Variants in TMEM74 observed in about 807,000 individuals in gnomAD.
TMEM74 encodes the protein transmembrane protein 74.
TMEM74 carries 13 observed loss-of-function variants against 18.1 expected under a neutral mutation model. That is an observed-to-expected ratio of 0.72 (90% CI 0.47 to 1.14). The LOEUF (loss-of-function observed/expected upper bound fraction) is 1.14. TMEM74 is among the 50% of genes most tolerant of loss of function. TMEM74 has a pLI of 0.00. For missense variants in TMEM74, 372 were observed against 375.9 expected, an observed-to-expected ratio of 0.99 and a Z score of 0.09; for synonymous variants, 159 against 146.6, an observed-to-expected ratio of 1.08 and a Z score of -0.61.
chr8:108,756,811 A>G (rs1186107042), intron 1 of TMEM74, among the ~76,000 whole-genome samples: 3 of 150,386 alleles, frequency 2.0e-5, no homozygotes, highest in Non-Finnish European at 4.4e-5. Flanking sequence ...GAAGGAAGGA[A>G]GGAAGGAAGG....
chr8:108,657,683 A>C (rs942517154), intron 1 of TMEM74, among the ~76,000 whole-genome samples: 1 of 150,696 alleles, frequency 6.6e-6, no homozygotes, highest in African/African-American at 2.4e-5. Flanking sequence ...TCTGTACTAA[A>C]AATACAAAAA....
intron 2 of TMEM74, chr8:108,652,561 G>T: frequency 1.7e-6 from 1 of 575,494 alleles, no homozygotes; most frequent in Non-Finnish European, 3.3e-6. Context: ...TTGGTTTTCT[G>T]GGTATCATAA....
chr8:108,631,765 T>C (rs1004843782), intron 2 of TMEM74, among the ~76,000 whole-genome samples: 1 of 152,000 alleles, frequency 6.6e-6, no homozygotes, highest in Non-Finnish European at 1.5e-5. Context: ...CTGGTGCCCC[T>C]TCTTTTCCTT....
intron 2 of TMEM74, among the ~76,000 whole-genome samples, chr8:108,615,463 C>G (rs756713802): frequency 1.3e-5 from 2 of 152,152 alleles, no homozygotes; most frequent in African/African-American, 2.4e-5. Flanking sequence ...TTAACAGGCC[C>G]TTACTTTTCA....
At chr8:108,630,908 C>A (rs1346712725) in intron 2 of TMEM74, among the ~76,000 whole-genome samples, 1 of 151,922 alleles carries the variant, frequency 6.6e-6, no homozygotes, top group East Asian at 1.9e-4. Context: ...CCCAGCAGTT[C>A]AGGACACAAG....
Position 108,655,616 on chromosome 8 carries a change from T to TC in TMEM74, n.120-180dup, listed in dbSNP as rs888736474. Among the ~76,000 whole-genome samples the TC allele has an allele frequency of 1.7e-4, 26 of 152,224 alleles. 1 individual carries two copies. The highest frequency in any genetic ancestry group is 4.6e-4 in the Admixed American group (7 of 15,274). Reference sequence around the variant, plus strand: ...CACCTCCATGGAAATTCTCTTTTACTCCCCCAAGCTGCTGGATTCCAGGAG... The same window carrying TC: ...CACCTCCATGGAAATTCTCTTTTACTCCCCCCAAGCTGCTGGATTCCAGGAG... On this transcript the variant is annotated intron_variant and non_coding_transcript_variant, in intron 1 of 3. Coordinates refer to the TMEM74 transcript ENST00000518838.
chr8:108,637,712 T>A (rs1400128271), intron 2 of TMEM74, among the ~76,000 whole-genome samples: 2 of 152,172 alleles, frequency 1.3e-5, no homozygotes, highest in African/African-American at 4.8e-5. Context: ...AGGGCAGGAC[T>A]ACTGACACCT....
chr8:108,669,906 T>A (rs1416219781), intron 1 of TMEM74, among the ~76,000 whole-genome samples: 1 of 152,062 alleles, frequency 6.6e-6, no homozygotes, highest in African/African-American at 2.4e-5. Flanking sequence ...GGCATGGTGA[T>A]GCATGCCTGT....
chr8:108,730,199 C>T (rs564085157), intron 1 of TMEM74, among the ~76,000 whole-genome samples: 7 of 152,138 alleles, frequency 4.6e-5, no homozygotes, highest in African/African-American at 1.7e-4. Context: ...TCAAGTCTCC[C>T]CATGCTGATC....
chr8:108,610,175 A>G (rs750765794), intron 2 of TMEM74, among the ~76,000 whole-genome samples: 6 of 152,220 alleles, frequency 3.9e-5, no homozygotes, highest in Non-Finnish European at 5.9e-5. Flanking sequence ...TTATCGAAGG[A>G]GCACAAATGT....
At chr8:108,667,115 T>C (rs142530451) in intron 1 of TMEM74, among the ~76,000 whole-genome samples, 176 of 152,234 alleles carry the variant, frequency 1.2e-3, no homozygotes, top group African/African-American at 4.1e-3. Context: ...AAAGAATCTA[T>C]GTGCTTTTCG....
At chr8:108,619,309 G>A (rs1397839254) in intron 2 of TMEM74, among the ~76,000 whole-genome samples, 1 of 152,230 alleles carries the variant, frequency 6.6e-6, no homozygotes, top group Non-Finnish European at 1.5e-5. Flanking sequence ...AATAAGCAGA[G>A]TAAGAAGTTC....
chr8:108,634,172 C>G (rs1277755356), intron 2 of TMEM74, among the ~76,000 whole-genome samples: 1 of 151,872 alleles, frequency 6.6e-6, no homozygotes, highest in Non-Finnish European at 1.5e-5. Context: ...TATGACTTAA[C>G]ATTCTGGTGG....
chr8:108,642,263 G>T (rs1041347014), intron 2 of TMEM74, among the ~76,000 whole-genome samples: 4 of 151,870 alleles, frequency 2.6e-5, no homozygotes, highest in Non-Finnish European at 5.9e-5. Flanking sequence ...ACTGGACGTG[G>T]TGGTGCATGC....
At chr8:108,685,992 A>G (rs1813163753) in intron 1 of TMEM74, among the ~76,000 whole-genome samples, 1 of 152,194 alleles carries the variant, frequency 6.6e-6, no homozygotes, top group Non-Finnish European at 1.5e-5. Flanking sequence ...AAGCTTTAAA[A>G]TATGAAAACT....
intron 1 of TMEM74, among the ~76,000 whole-genome samples, chr8:108,736,840 G>A (rs757245357): frequency 6.6e-6 from 1 of 152,054 alleles, no homozygotes; most frequent in Non-Finnish European, 1.5e-5. Context: ...TTTTCTAAAA[G>A]AAATGATAAA....
chr8:108,707,196 G>C (rs1354572859), intron 1 of TMEM74, among the ~76,000 whole-genome samples: 3 of 115,032 alleles, frequency 2.6e-5, no homozygotes, highest in Admixed American at 9.0e-5. Flanking sequence ...GGGGTGGGGG[G>C]TAGGGGGAGG....
At chr8:108,785,878 G>A (rs1814378529) in intron 1 of TMEM74, among the ~76,000 whole-genome samples, 1 of 152,166 alleles carries the variant, frequency 6.6e-6, no homozygotes, top group Admixed American at 6.5e-5. Context: ...CATGGGGGAA[G>A]CATGTTCTGG....
chr8:108,630,161 CA>C (rs370926449), intron 2 of TMEM74, among the ~76,000 whole-genome samples: 12 of 148,034 alleles, frequency 8.1e-5, no homozygotes, highest in Admixed American at 4.7e-4. Context: ...AAATGGAAAG[CA>C]AAAAAAAAGC....
Sources: gnomAD v4.1 joint callset for allele counts (sites outside exome capture counted in the v4.1 genomes callset) on GRCh38, gnomAD v4.1.1 for gene constraint, MANE v1.5 for transcripts, NCBI Gene and HGNC (gene_info 2026-07-23, HGNC 2026-07-21) for gene names.